Variants in THTPA observed in about 807,000 individuals in gnomAD.
The protein encoded by THTPA is thiamine triphosphatase, also known as thiamine-triphosphatase.
A neutral mutation model predicts 16.5 loss-of-function variants in THTPA; 16 were observed. That is an observed-to-expected ratio of 0.97 (90% CI 0.66 to 1.47). The LOEUF (loss-of-function observed/expected upper bound fraction) is 1.47. THTPA is among the 40% of genes most tolerant of loss of function. The pLI is 0.00. For missense variants in THTPA, 281 were observed against 280.9 expected (o/e 1.00, Z 0.00); for synonymous variants, 110 against 115.5 (o/e 0.95, Z 0.30).
chr14:23,533,139 C>G, the THTPA span: 1 of 1,468,568 alleles, frequency 6.8e-7, no homozygotes, highest in Non-Finnish European at 9.0e-7. The surrounding 1 kb of genome is among the most constrained non-coding windows in gnomAD (Gnocchi z 4.8). Context: ...ACGGTTGGTT[C>G]TCTATGTGGG....
chr14:23,551,898 C>T (rs1433694449), upstream of THTPA, among the ~76,000 whole-genome samples: 1 of 152,182 alleles, frequency 6.6e-6, no homozygotes, highest in Non-Finnish European at 1.5e-5. The surrounding 1 kb of genome is among the most constrained non-coding windows in gnomAD (Gnocchi z 5.3). Flanking sequence ...GGGGGCAGGC[C>T]GGCCAGCCCA....
rs1882914844 is a variant in THTPA at position 23,558,974 on chromosome 14, T to G, written c.*134T>G. 1 of 1,081,826 alleles carries G rather than the reference T, an allele frequency of 9.2e-7. No individual in the cohort carries two copies. Among genetic ancestry groups the G allele is most frequent in the South Asian group, 1.6e-5 (1 of 61,428 alleles). 67.0% of individuals were successfully genotyped at this position (1,081,826 alleles called of 1,614,324 possible). A position where few individuals can be genotyped will look rare whatever the true frequency, so the allele number is the denominator to read the frequency against. On this transcript the variant is annotated 3_prime_UTR_variant, in exon 2 of 2. Transcript: ENST00000288014. ...TCCAGCGCTGCCTGTTTCTTCCCCC[T>G]CCTCTAAGCTACTCTTCCTTGAGCC...
the THTPA span, chr14:23,531,432 C>A: frequency 7.4e-7 from 1 of 1,357,430 alleles, no homozygotes; most frequent in Non-Finnish European, 9.5e-7. Flanking sequence ...TCCCCACATC[C>A]TGCTGCCCTC....
the THTPA span, chr14:23,533,861 C>G: frequency 6.5e-7 from 1 of 1,538,478 alleles, no homozygotes; most frequent in Non-Finnish European, 8.7e-7. The surrounding 1 kb of genome is among the most constrained non-coding windows in gnomAD (Gnocchi z 4.8). Context: ...TGGGCGCCCC[C>G]AGCACTGCAG....
At chr14:23,555,153 C>T (rs1199506491), upstream of THTPA, among the ~76,000 whole-genome samples, 1 of 151,984 alleles carries the variant, frequency 6.6e-6, no homozygotes, top group Non-Finnish European at 1.5e-5. Flanking sequence ...ATGCCCGGCT[C>T]ATTTTTGCAT....
the THTPA span, among the ~76,000 whole-genome samples, chr14:23,548,833 T>A: frequency 6.6e-6 from 1 of 152,184 alleles, no homozygotes; most frequent in Non-Finnish European, 1.5e-5. Flanking sequence ...GCTATGCTTT[T>A]TTTCCAACCC....
At chr14:23,523,511 T>G in the THTPA span, 1 of 1,536,406 alleles carries the variant, frequency 6.5e-7, no homozygotes, top group Non-Finnish European at 8.7e-7. This position sits in a 1 kb window ranked among gnomAD's most constrained non-coding sequence, Gnocchi z 4.1. Context: ...GTCAGTGCGC[T>G]GGGCTGCTAA....
chr14:23,533,033 C>A, the THTPA span: 2 of 1,535,510 alleles, frequency 1.3e-6, no homozygotes, highest in East Asian at 4.9e-5. This position sits in a 1 kb window ranked among gnomAD's most constrained non-coding sequence, Gnocchi z 4.8. Context: ...AGATGAGGAA[C>A]CCAGGAGCTG....
chr14:23,533,881 T>C, the THTPA span: 33 of 1,538,074 alleles, frequency 2.1e-5, no homozygotes, highest in Non-Finnish European at 2.9e-5. The surrounding 1 kb of genome is among the most constrained non-coding windows in gnomAD (Gnocchi z 4.8). Context: ...GTAGCTGCAG[T>C]GACTGTTGCT....
the THTPA span, chr14:23,522,397 T>C: frequency 2.0e-6 from 3 of 1,536,328 alleles, no homozygotes; most frequent in East Asian, 2.4e-5. Flanking sequence ...CCTCACCAGC[T>C]TCCCCCTCCC....
In THTPA at chr14:23,560,167, C is replaced by G. The variant is rs1312757317; in HGVS notation, c.*1327C>G. 4 of 1,532,250 alleles carry G rather than the reference C, an allele frequency of 2.6e-6. No homozygotes were observed. The highest frequency in any genetic ancestry group is 3.6e-6 in the Non-Finnish European group (4 of 1,120,650). 94.9% of individuals were successfully genotyped at this position (1,532,250 alleles called of 1,614,324 possible). A position where few individuals can be genotyped will look rare whatever the true frequency, so the allele number is the denominator to read the frequency against. ...TGATCTCCAGATGACTCAATCCCAT[C>G]TCACACTGTCTCCCACCCACCTCCT... On this transcript the variant is annotated 3_prime_UTR_variant, in exon 2 of 2. Coordinates refer to ENST00000288014, the MANE Select transcript of THTPA (RefSeq NM_024328.6).
chr14:23,523,756 T>G, the THTPA span: 1 of 1,536,180 alleles, frequency 6.5e-7, no homozygotes, highest in Middle Eastern at 1.7e-4. The surrounding 1 kb of genome is among the most constrained non-coding windows in gnomAD (Gnocchi z 4.1). Flanking sequence ...GCTGCCCCAT[T>G]CCATCTGGAA....
the THTPA span, among the ~76,000 whole-genome samples, chr14:23,520,045 T>G: frequency 4.6e-5 from 7 of 152,292 alleles, no homozygotes; most frequent in East Asian, 1.2e-3. This position sits in a 1 kb window ranked among gnomAD's most constrained non-coding sequence, Gnocchi z 8.7. Context: ...TAGCTGGGCT[T>G]TAGGGTTGCC....
the THTPA span, chr14:23,529,867 G>T: frequency 8.0e-7 from 1 of 1,252,566 alleles, no homozygotes; most frequent in Non-Finnish European, 1.1e-6. Flanking sequence ...CTAGAGAAAG[G>T]GCAGGAAACT....
chr14:23,526,550 G>C, the THTPA span: 3 of 1,535,934 alleles, frequency 2.0e-6, no homozygotes, highest in Non-Finnish European at 2.6e-6. Flanking sequence ...ATCAGGTTCA[G>C]GGACTGGAGA....
chr14:23,546,280 T>C, the THTPA span, among the ~76,000 whole-genome samples: 2 of 152,322 alleles, frequency 1.3e-5, no homozygotes, highest in South Asian at 2.1e-4. This position sits in a 1 kb window ranked among gnomAD's most constrained non-coding sequence, Gnocchi z 4.7. Context: ...GCCTGAACTT[T>C]AGCTTTGATG....
At chr14:23,521,748 G>A in the THTPA span, 5 of 796,352 alleles carry the variant, frequency 6.3e-6, no homozygotes, top group Non-Finnish European at 7.6e-6. Context: ...AGCTGAGGAG[G>A]AGGATCAATG....
the THTPA span, chr14:23,524,755 T>C: frequency 6.5e-7 from 1 of 1,536,456 alleles, no homozygotes; most frequent in Non-Finnish European, 8.7e-7. This position sits in a 1 kb window ranked among gnomAD's most constrained non-coding sequence, Gnocchi z 5.6. Context: ...CCTCAGGCCC[T>C]GCTGGAGGTT....
At chr14:23,534,352 G>A in the THTPA span, 6 of 1,536,664 alleles carry the variant, frequency 3.9e-6, no homozygotes, top group South Asian at 5.9e-5. This position sits in a 1 kb window ranked among gnomAD's most constrained non-coding sequence, Gnocchi z 4.5. Flanking sequence ...TGCCTCAGGG[G>A]GGCCATCCTC....
Sources: gnomAD v4.1 joint callset for allele counts (sites outside exome capture counted in the v4.1 genomes callset) on GRCh38, gnomAD v4.1.1 for gene constraint, Gnocchi (gnomAD v3.1) non-coding constraint, MANE v1.5 for transcripts, NCBI Gene and HGNC (gene_info 2026-07-23, HGNC 2026-07-21) for gene names.